The following TCF12 variants were observed in gnomAD, a reference collection of about 807,000 sequenced individuals.
TCF12 encodes DNA-binding protein HTF4.
A neutral mutation model predicts 86.0 loss-of-function variants in TCF12; 45 were observed. The ratio of observed to expected loss-of-function variants is 0.52; its 90% CI spans 0.41 to 0.67. The LOEUF (loss-of-function observed/expected upper bound fraction) is 0.67, where lower values mean the gene tolerates loss of function less well. Among genes scored for constraint, TCF12 ranks in the 30% least tolerant of loss-of-function variants. The probability of loss-of-function intolerance (pLI) is 0.00; values close to 1 mark genes in which losing one functional copy is unlikely to be tolerated. For synonymous variants in TCF12, 330 were observed against 299.6 expected (o/e 1.10, Z -1.05); for missense variants, 881 against 859.9 (o/e 1.02, Z -0.31).
intron 16 of TCF12, among the ~76,000 whole-genome samples, chr15:57,256,073 C>A (rs1275889796): frequency 6.6e-6 from 1 of 152,180 alleles, no homozygotes; most frequent in Non-Finnish European, 1.5e-5. Flanking sequence ...CAGGCTTAGC[C>A]TCAAAATATA....
intron 18 of TCF12, among the ~76,000 whole-genome samples, chr15:57,268,131 A>G (rs550816697): frequency 2.0e-5 from 3 of 152,256 alleles, no homozygotes; most frequent in Admixed American, 1.3e-4. Flanking sequence ...GTGGTTCTCA[A>G]CCCTGCTGCC....
At chr15:57,206,502 G>T (rs994570833) in intron 8 of TCF12, among the ~76,000 whole-genome samples, 59 of 151,096 alleles carry the variant, frequency 3.9e-4, no homozygotes, top group African/African-American at 1.4e-3. Context: ...GTGAAAAACA[G>T]ACCTAAAGAG....
At chr15:57,017,726 CTTT>C (rs34230192) in intron 3 of TCF12, among the ~76,000 whole-genome samples, 21 of 130,510 alleles carry the variant, frequency 1.6e-4, no homozygotes, top group Non-Finnish European at 1.6e-4. Flanking sequence ...AATTTTCTTT[CTTT>C]TTTTTTTTTT....
chr15:56,966,034 C>T (rs1172835396), intron 3 of TCF12, among the ~76,000 whole-genome samples: 1 of 152,054 alleles, frequency 6.6e-6, no homozygotes, highest in Non-Finnish European at 1.5e-5. Context: ...TTGTATTTTG[C>T]ATCATGAGAC....
intron 5 of TCF12, among the ~76,000 whole-genome samples, chr15:57,104,861 G>GTTTTTTTTTTTTTTTTTT (rs11336613): frequency 5.6e-5 from 4 of 71,448 alleles, no homozygotes; most frequent in Admixed American, 2.1e-4. Context: ...CTTTGGTGGT[G>GTTTTTTTTTTTTTTTTTT]TTTTTTTTTT....
intron 3 of TCF12, among the ~76,000 whole-genome samples, chr15:57,048,059 A>C (rs576226333): frequency 6.6e-6 from 1 of 152,300 alleles, no homozygotes; most frequent in East Asian, 1.9e-4. Context: ...TGCCTTCCAT[A>C]GTTGTTATGT....
intron 17 of TCF12, 48 bp downstream of exon 17, chr15:57,262,256 T>C: frequency 7.7e-7 from 1 of 1,298,874 alleles, no homozygotes; most frequent in Non-Finnish European, 1.1e-6. Flanking sequence ...GAGATATCAT[T>C]TGGAACACTG....
intron 12 of TCF12, among the ~76,000 whole-genome samples, chr15:57,240,879 C>CA (rs68154303): frequency 0.02 from 1,310 of 65,662 alleles, 53 homozygotes; most frequent in African/African-American, 0.058. Flanking sequence ...GACCCTGTCT[C>CA]AAAAAAAAAA....
rs2062024878 is a variant in TCF12 at position 57,289,174 on chromosome 15, T to G, written c.*3029T>G. ...TGGCAGATTGCTTCTCTTGGTGAATTATGAAATCCACTGTTCACATTGGGT... is the reference window on the plus strand; with the variant it reads ...TGGCAGATTGCTTCTCTTGGTGAATGATGAAATCCACTGTTCACATTGGGT... On this transcript the variant is annotated 3_prime_UTR_variant, in exon 21 of 21. Transcript: ENST00000333725. 1 of 152,228 alleles carries G rather than the reference T, an allele frequency of 6.6e-6. No individual in the cohort carries two copies. The highest frequency in any genetic ancestry group is 1.5e-5 in the Non-Finnish European group (1 of 68,042). 9.4% of individuals were successfully genotyped at this position (152,228 alleles called of 1,614,324 possible).
chr15:57,157,913 T>A (rs933426708), intron 5 of TCF12, among the ~76,000 whole-genome samples: 1 of 152,108 alleles, frequency 6.6e-6, no homozygotes, highest in African/African-American at 2.4e-5. Context: ...TTTATGTAAT[T>A]CTTCCCCGTT....
intron 3 of TCF12, among the ~76,000 whole-genome samples, chr15:57,051,492 CT>C (rs1260475530): frequency 4.0e-5 from 6 of 150,256 alleles, no homozygotes; most frequent in South Asian, 2.1e-4. Context: ...TCCTCTCCTT[CT>C]TTTTTTTTTA....
intron 4 of TCF12, among the ~76,000 whole-genome samples, chr15:57,077,325 ATATG>A (rs558321678): frequency 0.015 from 1,888 of 127,250 alleles, 150 homozygotes; most frequent in African/African-American, 0.052. Context: ...ATATGTATAT[ATATG>A]TGTGTGTGTG....
At chr15:57,115,463 T>G (rs185605109) in intron 5 of TCF12, among the ~76,000 whole-genome samples, 99 of 152,320 alleles carry the variant, frequency 6.5e-4, no homozygotes, top group African/African-American at 2.3e-3. Flanking sequence ...ACCTGCATAC[T>G]GTCATGGAAG....
intron 4 of TCF12, among the ~76,000 whole-genome samples, chr15:57,075,834 CTTTTCTTTCTT>C (rs1798027584): frequency 1.4e-4 from 7 of 48,898 alleles, no homozygotes; most frequent in East Asian, 1.0e-3. Context: ...CTCTCTCTCT[CTTTTCTTTCTT>C]TCTTTCTTTC....
intron 19 of TCF12, among the ~76,000 whole-genome samples, chr15:57,278,898 G>T (rs1178599960): frequency 9.0e-5 from 12 of 132,664 alleles, no homozygotes; most frequent in Admixed American, 1.5e-4. Flanking sequence ...CTTTATTTCT[G>T]TCTTTGTTTC....
chr15:57,247,260 C>T (rs1288911745), intron 13 of TCF12: 31 of 645,932 alleles, frequency 4.8e-5, no homozygotes, highest in African/African-American at 1.4e-4. Context: ...CCATTATATC[C>T]GCCATCACCT....
intron 7 of TCF12, 26 bp from the exon 8 acceptor site, chr15:57,197,747 A>G: frequency 6.2e-7 from 1 of 1,612,046 alleles, no homozygotes; most frequent in Non-Finnish European, 8.5e-7. Flanking sequence ...ATTATGCTGA[A>G]GAAATGTATT....
intron 5 of TCF12, among the ~76,000 whole-genome samples, chr15:57,118,804 A>C (rs187502992): frequency 1.3e-5 from 2 of 152,326 alleles, no homozygotes; most frequent in African/African-American, 4.8e-5. Context: ...AGAATTCCAG[A>C]AACTGATTTT....
intron 5 of TCF12, among the ~76,000 whole-genome samples, chr15:57,093,995 A>G (rs1220314835): frequency 6.6e-6 from 1 of 152,148 alleles, no homozygotes; most frequent in Non-Finnish European, 1.5e-5. Context: ...GACTCACTAC[A>G]GCCTTGAACT....
Sources: gnomAD v4.1 joint callset for allele counts (sites outside exome capture counted in the v4.1 genomes callset) on GRCh38, gnomAD v4.1.1 for gene constraint, MANE v1.5 for transcripts, NCBI Gene and HGNC (gene_info 2026-07-23, HGNC 2026-07-21) for gene names.